PLCL1: variants seen among roughly 807,000 people sequenced by gnomAD.
The protein encoded by PLCL1 is phospholipase C like 1 (inactive), also known as inactive phospholipase C-like protein 1.
In PLCL1, 41 loss-of-function variants were observed where a neutral mutation model predicts 84.4. The ratio of observed to expected loss-of-function variants is 0.49; its 90% CI spans 0.38 to 0.63. The LOEUF (loss-of-function observed/expected upper bound fraction) is 0.63. PLCL1 is among the 30% of genes least tolerant of loss of function. The pLI, the probability that PLCL1 is intolerant of heterozygous loss-of-function variation, is 0.00. For missense variants in PLCL1, 1,206 were observed against 1,367.8 expected (o/e 0.88, Z 1.87); for synonymous variants, 490 against 488.3 (o/e 1.00, Z -0.05).
In PLCL1 at chr2:198,084,588, A is replaced by G. The variant is rs777499794; in HGVS notation, c.1071A>G (p.Ile357Met). Reference protein sequence around the residue: ...HITEDICLDIIRRYELSEEGR... With the variant: ...HITEDICLDIMRRYELSEEGR... Reference sequence around the variant, plus strand: ...CCGAGGATATATGCTTAGACATCATAAGGAGATACGAACTTTCTGAAGAGG... The same window carrying G: ...CCGAGGATATATGCTTAGACATCATGAGGAGATACGAACTTTCTGAAGAGG... Residue 357 changes from isoleucine (I) to methionine (M), a missense_variant, in exon 2 of 6, where the codon ATA (isoleucine) becomes ATG (methionine). By Grantham distance (10) the Ile-to-Met change is conservative. Coordinates refer to ENST00000428675, the MANE Select transcript of PLCL1 (RefSeq NM_006226.4). 2.7e-5 allele frequency: 43 copies of G among 1,613,736 alleles called. No homozygotes were observed. The Admixed American group carries it at 5.7e-4, about 21-fold the overall frequency.
At chr2:198,006,990 T>C (rs751393225) in intron 1 of PLCL1, among the ~76,000 whole-genome samples, 3 of 151,934 alleles carry the variant, frequency 2.0e-5, no homozygotes, top group Non-Finnish European at 4.4e-5. Context: ...TACCATGAAA[T>C]AGAAACAGAT....
chr2:198,092,925 A>G (rs1482342860), intron 3 of PLCL1, among the ~76,000 whole-genome samples: 1 of 152,218 alleles, frequency 6.6e-6, no homozygotes, highest in Non-Finnish European at 1.5e-5. Flanking sequence ...AAAACAATAA[A>G]TAAAAGCATC....
intron 1 of PLCL1, among the ~76,000 whole-genome samples, chr2:197,852,775 G>T (rs1365540947): frequency 2.6e-5 from 4 of 152,132 alleles, no homozygotes; most frequent in African/African-American, 4.8e-5. Flanking sequence ...TTAGAAAACA[G>T]AGCTAGACTT....
chr2:197,864,439 T>C (rs1407007768), intron 1 of PLCL1, among the ~76,000 whole-genome samples: 3 of 151,870 alleles, frequency 2.0e-5, no homozygotes, highest in Admixed American at 2.0e-4. Flanking sequence ...ATAATAGTAA[T>C]TTAATAAATA....
intron 1 of PLCL1, among the ~76,000 whole-genome samples, chr2:197,950,387 GA>G (rs1254163539): frequency 6.6e-6 from 1 of 152,156 alleles, no homozygotes; most frequent in African/African-American, 2.4e-5. Flanking sequence ...AATAACCAGG[GA>G]AGGGAGATCA....
chr2:197,869,639 G>C (rs1227702264), intron 1 of PLCL1, among the ~76,000 whole-genome samples: 1 of 152,128 alleles, frequency 6.6e-6, no homozygotes, highest in Non-Finnish European at 1.5e-5. Flanking sequence ...TGATTAAAGA[G>C]AACAGATATG....
intron 3 of PLCL1, 29 bp from the exon 4 acceptor site, chr2:198,101,256 C>T: frequency 1.4e-6 from 2 of 1,394,908 alleles, no homozygotes; most frequent in African/African-American, 1.4e-5. Flanking sequence ...ATTCTGACAA[C>T]CACCTTTTTG....
chr2:197,866,789 C>T (rs927855940), intron 1 of PLCL1, among the ~76,000 whole-genome samples: 5 of 152,154 alleles, frequency 3.3e-5, no homozygotes, highest in Admixed American at 1.3e-4. Context: ...CTCTCTTCCC[C>T]ACTTCCCTAC....
At chr2:198,068,231 A>T (rs950752200) in intron 1 of PLCL1, among the ~76,000 whole-genome samples, 7 of 152,240 alleles carry the variant, frequency 4.6e-5, no homozygotes, top group Admixed American at 2.0e-4. Flanking sequence ...GGTTTCATTA[A>T]GTACTTTATT....
At chr2:198,082,154 C>T (rs1692729034) in intron 1 of PLCL1, among the ~76,000 whole-genome samples, 1 of 152,174 alleles carries the variant, frequency 6.6e-6, no homozygotes, top group Non-Finnish European at 1.5e-5. Context: ...TTATAAAGAA[C>T]AGTCACGCAC....
chr2:197,918,613 A>T (rs920193968), intron 1 of PLCL1, among the ~76,000 whole-genome samples: 6 of 152,166 alleles, frequency 3.9e-5, no homozygotes, highest in Non-Finnish European at 7.3e-5. Context: ...GTCCATTTAA[A>T]AGAAGATTTT....
chr2:197,859,457 T>G (rs1185314864), intron 1 of PLCL1, among the ~76,000 whole-genome samples: 1 of 152,196 alleles, frequency 6.6e-6, no homozygotes. Flanking sequence ...TTTAAAAAGT[T>G]TGTATATGAG....
At chr2:197,824,666 A>C (rs1031061827) in intron 1 of PLCL1, among the ~76,000 whole-genome samples, 3 of 141,558 alleles carry the variant, frequency 2.1e-5, no homozygotes, top group African/African-American at 7.9e-5. Context: ...GTGAGCTATG[A>C]TTGTGCCACT....
intron 1 of PLCL1, among the ~76,000 whole-genome samples, chr2:197,856,939 T>G (rs1687340452): frequency 6.6e-6 from 1 of 152,168 alleles, no homozygotes; most frequent in Non-Finnish European, 1.5e-5. Flanking sequence ...TTAAGACGAT[T>G]GTATATTTAG....
At chr2:197,878,053 T>C (rs1052969195) in intron 1 of PLCL1, among the ~76,000 whole-genome samples, 1 of 152,130 alleles carries the variant, frequency 6.6e-6, no homozygotes, top group African/African-American at 2.4e-5. Flanking sequence ...CCTATGTATA[T>C]GGTAACAAAG....
intron 1 of PLCL1, among the ~76,000 whole-genome samples, chr2:197,975,899 G>A (rs972228832): frequency 6.6e-6 from 1 of 152,050 alleles, no homozygotes; most frequent in African/African-American, 2.4e-5. Flanking sequence ...CGCCTCTTAC[G>A]CCTCTGGTTT....
chr2:197,900,103 T>A (rs1688235750), intron 1 of PLCL1, among the ~76,000 whole-genome samples: 1 of 152,230 alleles, frequency 6.6e-6, no homozygotes, highest in South Asian at 2.1e-4. Context: ...CTGACATACA[T>A]GTGTTTATTG....
rs190787260 is a variant in PLCL1, at chr2:198,104,886, T to A, written c.3105+950T>A. Among the ~76,000 whole-genome samples the A allele has an allele frequency of 5.3e-5, 8 of 152,094 alleles. No individual in the cohort carries two copies. In the East Asian group the frequency reaches 1.6e-3, roughly 30 times the overall value. Reference sequence around the variant, plus strand: ...TGCTTTCTAATGGGGTGTTTATTTTTTTGCTTGTTAAGTTCCTTATAAATT... The same window carrying A: ...TGCTTTCTAATGGGGTGTTTATTTTATTGCTTGTTAAGTTCCTTATAAATT... On this transcript the variant is annotated intron_variant, in intron 5 of 5. Transcript: ENST00000428675.
At chr2:198,039,654 C>T (rs1691615165) in intron 1 of PLCL1, among the ~76,000 whole-genome samples, 1 of 152,032 alleles carries the variant, frequency 6.6e-6, no homozygotes, top group Non-Finnish European at 1.5e-5. Context: ...ATTTTTGTTT[C>T]CTTAGATCAA....
Sources: allele counts gnomAD v4.1 joint callset (sites outside exome capture counted in the v4.1 genomes callset), GRCh38; gene constraint gnomAD v4.1.1; transcripts MANE v1.5; gene names NCBI Gene and HGNC (gene_info 2026-07-23, HGNC 2026-07-21).